The following STXBP5L variants were observed in gnomAD, a reference collection of about 807,000 sequenced individuals.
The protein encoded by STXBP5L is syntaxin-binding protein 5-like.
STXBP5L carries 65 observed loss-of-function variants against 144.5 expected under a neutral mutation model. The ratio of observed to expected loss-of-function variants is 0.45; its 90% CI spans 0.37 to 0.55. The LOEUF (loss-of-function observed/expected upper bound fraction) is 0.55, where lower values mean the gene tolerates loss of function less well. STXBP5L is among the 20% of genes least tolerant of loss of function. The pLI, the probability that STXBP5L is intolerant of heterozygous loss-of-function variation, is 0.00. For synonymous variants in STXBP5L, 505 were observed against 469.6 expected (o/e 1.08, Z -0.97); for missense variants, 1,298 against 1,405.5 (o/e 0.92, Z 1.22).
intron 22 of STXBP5L, among the ~76,000 whole-genome samples, chr3:121,399,244 C>T (rs2046810738): frequency 3.3e-5 from 5 of 152,186 alleles, no homozygotes; most frequent in Admixed American, 3.3e-4. Context: ...CTGAGCTCCC[C>T]TTCTTACTCA....
intron 3 of STXBP5L, among the ~76,000 whole-genome samples, chr3:120,987,123 A>C (rs1019151894): frequency 2.6e-5 from 4 of 152,046 alleles, no homozygotes; most frequent in Admixed American, 2.0e-4. Context: ...ATATTGAGAC[A>C]CATTATAATC....
At chr3:121,086,501 A>C (rs1191680919) in intron 5 of STXBP5L, among the ~76,000 whole-genome samples, 1 of 152,122 alleles carries the variant, frequency 6.6e-6, no homozygotes, top group Non-Finnish European at 1.5e-5. Flanking sequence ...CCATTATGTA[A>C]CAATTGCCTA....
At chr3:121,073,396 A>T (rs1203525056) in intron 5 of STXBP5L, among the ~76,000 whole-genome samples, 2 of 152,160 alleles carry the variant, frequency 1.3e-5, no homozygotes, top group Non-Finnish European at 2.9e-5. Flanking sequence ...GGGGCACCCG[A>T]ATTATTAACC....
chr3:120,978,396 C>T (rs1209163715), intron 3 of STXBP5L, among the ~76,000 whole-genome samples: 3 of 152,252 alleles, frequency 2.0e-5, no homozygotes, highest in African/African-American at 7.2e-5. Context: ...TCAGCTCCAT[C>T]AGCTCCTTTA....
At chr3:121,019,484 A>G (rs1472711871) in intron 3 of STXBP5L, among the ~76,000 whole-genome samples, 2 of 152,150 alleles carry the variant, frequency 1.3e-5, no homozygotes, top group Non-Finnish European at 2.9e-5. Context: ...CACACTTACC[A>G]AAAATACAAC....
At chr3:121,205,849 C>A in intron 9 of STXBP5L, 74 bp from the exon 10 acceptor site, 2 of 725,560 alleles carry the variant, frequency 2.8e-6, no homozygotes, top group Admixed American at 3.6e-5. Flanking sequence ...TTTAAATTCC[C>A]TTAGTCAAAT....
chr3:121,412,290 A>T (rs7627978), intron 23 of STXBP5L, among the ~76,000 whole-genome samples: 120,160 of 152,070 alleles, frequency 0.79, 47,613 homozygotes, highest in East Asian at 0.89. Flanking sequence ...TGGGCTAACA[A>T]GGTCCTCACA....
chr3:121,032,250 C>T (rs200782485), intron 3 of STXBP5L, among the ~76,000 whole-genome samples: 1 of 135,196 alleles, frequency 7.4e-6, no homozygotes, highest in Non-Finnish European at 1.6e-5. Context: ...AAGTGATGGG[C>T]AAAAAAAAAA....
At chr3:121,021,611 G>A (rs756030493) in intron 3 of STXBP5L, among the ~76,000 whole-genome samples, 14 of 152,026 alleles carry the variant, frequency 9.2e-5, no homozygotes, top group Non-Finnish European at 1.8e-4. Flanking sequence ...TCTTCAAAAG[G>A]AACCCTCAAA....
intron 17 of STXBP5L, 40 bp from the exon 18 acceptor site, chr3:121,259,003 A>C (rs749802650): frequency 6.6e-7 from 1 of 1,509,510 alleles, no homozygotes; most frequent in African/African-American, 1.4e-5. Context: ...GACCATGTTT[A>C]TTTAAGCTGT....
At chr3:121,019,975 C>G (rs1010535201) in intron 3 of STXBP5L, among the ~76,000 whole-genome samples, 9 of 152,116 alleles carry the variant, frequency 5.9e-5, no homozygotes, top group African/African-American at 2.2e-4. Context: ...CTTAGCCAAT[C>G]AAGGAGGCAA....
chr3:121,327,856 A>G (rs2044201523), intron 20 of STXBP5L, among the ~76,000 whole-genome samples: 1 of 152,140 alleles, frequency 6.6e-6, no homozygotes, highest in African/African-American at 2.4e-5. Context: ...TATAATTCTA[A>G]CACTTGCTGT....
intron 5 of STXBP5L, among the ~76,000 whole-genome samples, chr3:121,058,382 G>A (rs1248044114): frequency 1.3e-5 from 2 of 152,146 alleles, no homozygotes; most frequent in African/African-American, 4.8e-5. Flanking sequence ...TCACTGATGG[G>A]CATTTGGGTT....
intron 23 of STXBP5L, among the ~76,000 whole-genome samples, chr3:121,412,628 G>A (rs1008041003): frequency 4.3e-5 from 6 of 140,064 alleles, no homozygotes; most frequent in African/African-American, 1.3e-4. Context: ...AGTTTAAGTG[G>A]TTTATTGACA....
intron 5 of STXBP5L, among the ~76,000 whole-genome samples, chr3:121,052,835 A>T (rs1298996571): frequency 1.3e-5 from 2 of 152,328 alleles, no homozygotes; most frequent in East Asian, 3.9e-4. Flanking sequence ...ATGATTGTGT[A>T]TCTAGAAAAC....
At chr3:121,060,287 T>C (rs1203934570) in intron 5 of STXBP5L, among the ~76,000 whole-genome samples, 1 of 152,216 alleles carries the variant, frequency 6.6e-6, no homozygotes, top group African/African-American at 2.4e-5. Context: ...TTGATTTGCA[T>C]ATGTTGAACC....
At chr3:120,965,552 T>C (rs995774651) in intron 3 of STXBP5L, among the ~76,000 whole-genome samples, 4 of 152,212 alleles carry the variant, frequency 2.6e-5, no homozygotes, top group Non-Finnish European at 5.9e-5. Flanking sequence ...TTTGGCTGGA[T>C]ATGATATTCT....
At chr3:121,215,063 T>C (rs2048725942) in intron 10 of STXBP5L, among the ~76,000 whole-genome samples, 1 of 152,144 alleles carries the variant, frequency 6.6e-6, no homozygotes, top group East Asian at 1.9e-4. Context: ...TGGTAAACAG[T>C]TCTCCATCCT....
chr3:121,138,014 T>C (rs944435149), intron 7 of STXBP5L, among the ~76,000 whole-genome samples: 3 of 152,068 alleles, frequency 2.0e-5, no homozygotes, highest in Non-Finnish European at 4.4e-5. Flanking sequence ...ATGACATGAT[T>C]TTATACATAG....
Sources: gnomAD v4.1 joint callset for allele counts (sites outside exome capture counted in the v4.1 genomes callset) on GRCh38, gnomAD v4.1.1 for gene constraint, MANE v1.5 for transcripts, NCBI Gene and HGNC (gene_info 2026-07-23, HGNC 2026-07-21) for gene names.